The following KAT6A variants were observed in gnomAD, a reference collection of about 807,000 sequenced individuals.
KAT6A encodes histone acetyltransferase KAT6A.
Under a neutral mutation model 198.4 loss-of-function variants are expected in KAT6A, and 9 were observed. That is an observed-to-expected ratio of 0.05 (90% confidence interval 0.03 to 0.08). The LOEUF is 0.08. Among genes scored for constraint, KAT6A ranks in the 10% least tolerant of loss-of-function variants. KAT6A has a pLI of 1.00. For synonymous variants in KAT6A, 890 were observed against 883.0 expected (o/e 1.01, Z -0.14); for missense variants, 2,077 against 2,509.9 (o/e 0.83, Z 3.69).
chr8:42,051,950 A>G lies in KAT6A; in HGVS notation c.-375T>C, dbSNP rs1802690184. On this transcript the variant is annotated 5_prime_UTR_variant, in exon 1 of 17. Transcript: ENST00000265713. ...CGGGGCCCCGGGCCGGACCGCGGAG[A>G]TGCCCCAAACTGACACGGCCGCCAT... The G allele has an allele frequency of 6.7e-6, 1 of 149,712 alleles. No individual in the cohort carries two copies. The highest frequency in any genetic ancestry group is 2.1e-4 in the South Asian group (1 of 4,702). 9.3% of individuals were successfully genotyped at this position (149,712 alleles called of 1,614,324 possible).
At position 41,933,287 on chromosome 8, in the gene KAT6A, T is replaced by C. The variant is rs764117140; in HGVS notation, c.4933A>G (p.Ser1645Gly). The C allele has an allele frequency of 8.2e-6, 13 of 1,580,686 alleles. No individual in the cohort carries two copies. Among genetic ancestry groups the C allele is most frequent in the African/African-American group, 2.7e-5 (2 of 74,646 alleles). Residue 1645 changes from serine (S) to glycine (G), a missense_variant, in exon 17 of 17, where the codon AGT becomes GGT. Around this residue, in one of 13 missense-constraint regions of KAT6A, gnomAD observed 500 missense variants for 577.2 expected, o/e 0.87. Coordinates refer to ENST00000265713, the MANE Select transcript of KAT6A (RefSeq NM_006766.5). The surrounding 1 kb of genome is among the most constrained non-coding windows in gnomAD (Gnocchi z 6.2). The part of the protein sequence containing the change: ...PQSCVVERPP[S>G]NQQQQPPPPP... ...GGTGGCGGCTGCTGCTGCTGGTTAC[T>C]GGGAGGCCTCTCCACCACGCAGCTC...
intron 7 of KAT6A, 138 bp downstream of exon 7, chr8:41,976,870 A>G (rs1342571244): frequency 2.8e-6 from 2 of 717,284 alleles, no homozygotes; most frequent in East Asian, 2.7e-5. Flanking sequence ...TATCATCTAC[A>G]TGTTTTTTCA....
chr8:41,965,030 A>C (rs1587751640), intron 8 of KAT6A, among the ~76,000 whole-genome samples: 1 of 152,150 alleles, frequency 6.6e-6, no homozygotes. Flanking sequence ...TCAGATCAAC[A>C]AATATTTGAG....
intron 12 of KAT6A, among the ~76,000 whole-genome samples, chr8:41,944,658 C>T (rs115567151): frequency 6.6e-5 from 10 of 152,288 alleles, no homozygotes; most frequent in African/African-American, 2.4e-4. Flanking sequence ...AATTTGGAAA[C>T]GTATTACATT....
At chr8:41,945,387 C>T (rs1261729045) in intron 12 of KAT6A, among the ~76,000 whole-genome samples, 1 of 151,628 alleles carries the variant, frequency 6.6e-6, no homozygotes, top group East Asian at 1.9e-4. Flanking sequence ...TCTTCTGCCT[C>T]AGCCTCCCAA....
intron 2 of KAT6A, among the ~76,000 whole-genome samples, chr8:42,015,217 T>C (rs1373936897): frequency 6.6e-6 from 1 of 152,182 alleles, no homozygotes; most frequent in Non-Finnish European, 1.5e-5. Context: ...CTAAAAAGAA[T>C]CCGGACTACC....
intron 2 of KAT6A, among the ~76,000 whole-genome samples, chr8:41,989,703 T>C (rs1176307629): frequency 6.6e-6 from 1 of 152,152 alleles, no homozygotes; most frequent in African/African-American, 2.4e-5. Context: ...GTCATATACA[T>C]ACAAAATGGC....
chr8:42,022,735 T>C (rs536010239), intron 2 of KAT6A, among the ~76,000 whole-genome samples: 11 of 152,228 alleles, frequency 7.2e-5, no homozygotes, highest in East Asian at 3.9e-4. Context: ...TGAAATGATA[T>C]ACAAATGAGG....
At chr8:42,014,932 G>T (rs961995979) in intron 2 of KAT6A, among the ~76,000 whole-genome samples, 1 of 152,236 alleles carries the variant, frequency 6.6e-6, no homozygotes, top group South Asian at 2.1e-4. Context: ...TCAGGATTAC[G>T]CTAGGAAAGG....
Position 41,931,645 on chromosome 8 carries a change from A to AATC in KAT6A, c.*559_*560insGAT, listed in dbSNP as rs1821549360. ...TCACTTTATTAATAATAATAATAAT[A>AATC]ATATTAACAATAATAATAAGTTTAA... On this transcript the variant is annotated 3_prime_UTR_variant, in exon 17 of 17. Coordinates refer to ENST00000265713, the MANE Select transcript of KAT6A (RefSeq NM_006766.5). 1 of 184,412 alleles carries AATC rather than the reference A, an allele frequency of 5.4e-6. No homozygotes were observed. The highest frequency in any genetic ancestry group is 1.1e-5 in the Non-Finnish European group (1 of 87,236). The allele number at this position is 184,412 out of a possible 1,614,324, so 11.4% of individuals were successfully genotyped here. A position where few individuals can be genotyped will look rare whatever the true frequency, so the allele number is the denominator to read the frequency against.
chr8:41,944,610 T>C (rs999578854), intron 12 of KAT6A, among the ~76,000 whole-genome samples: 12 of 152,240 alleles, frequency 7.9e-5, no homozygotes, highest in African/African-American at 2.4e-4. Context: ...GTATTTTTAC[T>C]GTCATTAAAG....
At chr8:42,029,492 G>A (rs532143105) in intron 2 of KAT6A, among the ~76,000 whole-genome samples, 1 of 150,284 alleles carries the variant, frequency 6.7e-6, no homozygotes, top group African/African-American at 2.4e-5. Flanking sequence ...CAAAAGATCT[G>A]TCTTCAAATT....
At chr8:41,978,079 T>C (rs1174592726) in intron 6 of KAT6A, among the ~76,000 whole-genome samples, 1 of 152,244 alleles carries the variant, frequency 6.6e-6, no homozygotes, top group African/African-American at 2.4e-5. Flanking sequence ...CCCAGCTTTC[T>C]AGTCCACAAT....
At chr8:42,009,887 C>A in intron 2 of KAT6A, among the ~76,000 whole-genome samples, 1 of 127,114 alleles carries the variant, frequency 7.9e-6, no homozygotes. Flanking sequence ...AGGACAAAGC[C>A]CTGTCTCAAA....
intron 2 of KAT6A, among the ~76,000 whole-genome samples, chr8:42,036,862 A>C (rs1307038974): frequency 2.0e-5 from 3 of 152,248 alleles, no homozygotes; most frequent in Non-Finnish European, 4.4e-5. Flanking sequence ...GGAGGACAAT[A>C]AAACAGAATG....
At chr8:41,999,369 C>T (rs374153532) in intron 2 of KAT6A, among the ~76,000 whole-genome samples, 21 of 152,206 alleles carry the variant, frequency 1.4e-4, no homozygotes, top group African/African-American at 5.1e-4. Context: ...ATTATTGCCT[C>T]TCCCTTCCTT....
intron 2 of KAT6A, among the ~76,000 whole-genome samples, chr8:42,003,077 C>T (rs890849667): frequency 6.6e-6 from 1 of 152,120 alleles, no homozygotes; most frequent in African/African-American, 2.4e-5. Flanking sequence ...TCCTGTCAGG[C>T]GGCTTCCCAT....
chr8:42,038,421 C>T (rs978594303), intron 2 of KAT6A, among the ~76,000 whole-genome samples: 1 of 152,146 alleles, frequency 6.6e-6, no homozygotes, highest in Non-Finnish European at 1.5e-5. Context: ...TTGTGGTTTA[C>T]GATACCACCA....
At chr8:42,032,853 G>A (rs962207095) in intron 2 of KAT6A, among the ~76,000 whole-genome samples, 1 of 139,190 alleles carries the variant, frequency 7.2e-6, no homozygotes, top group Admixed American at 7.2e-5. Context: ...ATGGTCTAAT[G>A]CTTATTTAAA....
Sources: allele counts gnomAD v4.1 joint callset (sites outside exome capture counted in the v4.1 genomes callset), GRCh38; gene constraint gnomAD v4.1.1; regional missense constraint gnomAD v4.1.1; non-coding constraint Gnocchi (gnomAD v3.1); transcripts MANE v1.5; gene names NCBI Gene and HGNC (gene_info 2026-07-23, HGNC 2026-07-21).